The following ACMSD variants were observed in gnomAD, a reference collection of about 807,000 sequenced individuals.
ACMSD encodes 2-amino-3-carboxymuconate-6-semialdehyde decarboxylase.
A neutral mutation model predicts 45.9 loss-of-function variants in ACMSD; 37 were observed. That is an observed-to-expected ratio of 0.81 (90% CI 0.62 to 1.06). The LOEUF is 1.06. ACMSD is among the 50% of genes least tolerant of loss of function. The pLI is 0.00. For missense variants in ACMSD, 434 were observed against 420.9 expected, an observed-to-expected ratio of 1.03 and a Z score of -0.27; for synonymous variants, 138 against 148.8, an observed-to-expected ratio of 0.93 and a Z score of 0.53.
In ACMSD at chr2:134,897,941, T is replaced by C. The variant is rs1438675587; in HGVS notation, c.850-400T>C. 2.0e-5 allele frequency among the ~76,000 whole-genome samples: 3 copies of C among 151,172 alleles called. No homozygotes were observed. In the East Asian group the frequency reaches 5.8e-4, roughly 29 times the overall value. On this transcript the variant is annotated intron_variant, in intron 8 of 9. Coordinates refer to ENST00000356140, the MANE Select transcript of ACMSD (RefSeq NM_138326.3). Reference sequence around the variant, plus strand: ...TTGTTTTTTATGTTTCCTTTCCTACTCTGTTAATAGTATGTTTTGAAAAAC... The same window carrying C: ...TTGTTTTTTATGTTTCCTTTCCTACCCTGTTAATAGTATGTTTTGAAAAAC...
chr2:134,855,518 C>G (rs1687541837), intron 2 of ACMSD, among the ~76,000 whole-genome samples: 1 of 152,366 alleles, frequency 6.6e-6, no homozygotes, highest in African/African-American at 2.4e-5. Context: ...CAGAAGAAGG[C>G]TAGGCCCTGC....
chr2:134,891,526 C>T (rs1228993068), intron 8 of ACMSD, among the ~76,000 whole-genome samples: 1 of 152,062 alleles, frequency 6.6e-6, no homozygotes, highest in Non-Finnish European at 1.5e-5. Flanking sequence ...CAAATTAAAA[C>T]TACAATGAGA....
At chr2:134,873,496 A>T (rs1237629955) in intron 8 of ACMSD, 1 of 152,252 alleles carries the variant, frequency 6.6e-6, no homozygotes, top group Non-Finnish European at 1.5e-5. Flanking sequence ...AAAAGTATAT[A>T]GACATATTTA....
At chr2:134,867,244 G>A (rs1688141758) in intron 5 of ACMSD, 1 of 166,622 alleles carries the variant, frequency 6.0e-6, no homozygotes, top group African/African-American at 2.4e-5. Context: ...TTTCAGCTGT[G>A]GGATTAGTCC....
In ACMSD at chr2:134,872,781, G is replaced by C. The variant is rs1688524264; in HGVS notation, c.849+140G>C. ...AAAGGAGAGAGACAGTGAGGTTTGG[G>C]ATTAGGTTTGCTCACACAGGGGATT... On this transcript the variant is annotated intron_variant, in intron 8 of 9. Transcript: ENST00000356140. The C allele has an allele frequency of 1.9e-5, 19 of 1,013,718 alleles. No individual in the cohort carries two copies. The South Asian group carries it at 3.0e-4, about 16-fold the overall frequency. 62.8% of individuals were successfully genotyped at this position (1,013,718 alleles called of 1,614,324 possible).
chr2:134,862,468 G>C (rs1687890768), intron 4 of ACMSD, among the ~76,000 whole-genome samples: 1 of 152,182 alleles, frequency 6.6e-6, no homozygotes, highest in African/African-American at 2.4e-5. Flanking sequence ...CCTTTCCCAA[G>C]TGAATAAATC....
chr2:134,898,467 C>A (rs1573736905), intron 9 of ACMSD, 28 bp downstream of exon 9: 3 of 1,499,552 alleles, frequency 2.0e-6, no homozygotes, highest in Non-Finnish European at 2.7e-6. Flanking sequence ...TCACGGCTTT[C>A]TTACTGACTT....
At chr2:134,861,223 T>C (rs1687837025) in intron 3 of ACMSD, among the ~76,000 whole-genome samples, 1 of 152,014 alleles carries the variant, frequency 6.6e-6, no homozygotes, top group Non-Finnish European at 1.5e-5. Flanking sequence ...GGTTTTGTAG[T>C]AAATGTGAAG....
chr2:134,849,364 A>C (rs898589339), intron 2 of ACMSD, among the ~76,000 whole-genome samples: 2 of 152,202 alleles, frequency 1.3e-5, no homozygotes, highest in African/African-American at 4.8e-5. Flanking sequence ...AAGCAAACCA[A>C]AACATACCCA....
At chr2:134,853,111 C>T (rs1376597775) in intron 2 of ACMSD, among the ~76,000 whole-genome samples, 5 of 146,938 alleles carry the variant, frequency 3.4e-5, no homozygotes, top group Admixed American at 2.8e-4. Flanking sequence ...TGCAGTGAGC[C>T]GAGATCGCAC....
chr2:134,871,682 G>GACAGACACACACACACAC lies in ACMSD; in HGVS notation c.676+625_676+626insGACACACACACACACACA, dbSNP rs1491364344. 1.1e-4 allele frequency among the ~76,000 whole-genome samples: 15 copies of GACAGACACACACACACAC among 139,008 alleles called. 2 individuals are homozygous for GACAGACACACACACACAC. The highest frequency in any genetic ancestry group is 3.6e-3 in the Middle Eastern group (1 of 280). The allele number at this position is 139,008 out of a possible 152,430, so 91.2% of individuals were successfully genotyped here. A position where few individuals can be genotyped will look rare whatever the true frequency, so the allele number is the denominator to read the frequency against. ...TGAATTTGTGACCCTTCAACAGACA[G>GACAGACACACACACACAC]ACACACACACACACACACACACACA... On this transcript the variant is annotated intron_variant, in intron 7 of 9. Coordinates refer to ENST00000356140, the MANE Select transcript of ACMSD (RefSeq NM_138326.3).
intron 8 of ACMSD, among the ~76,000 whole-genome samples, chr2:134,891,878 C>A (rs545092371): frequency 6.6e-6 from 1 of 152,120 alleles, no homozygotes; most frequent in African/African-American, 2.4e-5. Context: ...TATATATGCA[C>A]AATGGAATAA....
At chr2:134,886,246 A>ATTTTTTTTTTTTTTTTTTTTTTTTTTTT (rs756206850) in intron 8 of ACMSD, among the ~76,000 whole-genome samples, 1 of 115,474 alleles carries the variant, frequency 8.7e-6, no homozygotes, top group African/African-American at 3.6e-5. Context: ...TATTATTATT[A>ATTTTTTTTTTTTTTTTTTTTTTTTTTTT]TTTTTTTTTT....
intron 6 of ACMSD, among the ~76,000 whole-genome samples, chr2:134,870,243 G>A (rs1429411398): frequency 6.6e-6 from 1 of 152,222 alleles, no homozygotes; most frequent in East Asian, 1.9e-4. Flanking sequence ...TGGACCAGCT[G>A]CTTCTCCTAG....
At chr2:134,878,480 C>T (rs1393686448) in intron 8 of ACMSD, among the ~76,000 whole-genome samples, 1 of 152,126 alleles carries the variant, frequency 6.6e-6, no homozygotes, top group South Asian at 2.1e-4. Context: ...ATGCATGCCA[C>T]CACAGCTGGC....
intron 8 of ACMSD, among the ~76,000 whole-genome samples, chr2:134,878,677 T>C (rs990624828): frequency 5.9e-5 from 9 of 152,324 alleles, no homozygotes; most frequent in East Asian, 1.9e-4. Flanking sequence ...TCCTTTTCCA[T>C]AAAAGCCTGT....
chr2:134,857,133 T>C (rs1304041838), intron 2 of ACMSD, among the ~76,000 whole-genome samples: 1 of 152,202 alleles, frequency 6.6e-6, no homozygotes, highest in Non-Finnish European at 1.5e-5. Flanking sequence ...TATTTTTAAA[T>C]ACTATTTTAA....
intron 1 of ACMSD, among the ~76,000 whole-genome samples, chr2:134,844,629 G>C (rs958020311): frequency 1.1e-4 from 16 of 152,180 alleles, no homozygotes; most frequent in Admixed American, 1.0e-3. Context: ...TAGTACTTCT[G>C]ACCTACTAGG....
Position 134,862,329 on chromosome 2 carries a change from C to T in ACMSD, c.249+311C>T, listed in dbSNP as rs542798434. On this transcript the variant is annotated intron_variant, in intron 4 of 9. Coordinates refer to ENST00000356140, the MANE Select transcript of ACMSD (RefSeq NM_138326.3). ...GTGACTCATTCCTGCAATGCCTTGC[C>T]GGGGAACTGACAAGCTAATATCTTC... is the stretch of plus-strand genomic sequence containing the variant. Among the ~76,000 whole-genome samples the T allele has an allele frequency of 4.6e-5, 7 of 152,214 alleles. No homozygotes were observed. The South Asian group carries it at 6.2e-4, about 14-fold the overall frequency.
Sources: allele counts gnomAD v4.1 joint callset (sites outside exome capture counted in the v4.1 genomes callset), GRCh38; gene constraint gnomAD v4.1.1; transcripts MANE v1.5; gene names NCBI Gene and HGNC (gene_info 2026-07-23, HGNC 2026-07-21).